ADK: variants seen among roughly 807,000 people sequenced by gnomAD.
The protein encoded by ADK is N6,N6-dimethyladenosine kinase.
A neutral mutation model predicts 44.7 loss-of-function variants in ADK; 24 were observed. The ratio of observed to expected loss-of-function variants is 0.54; its 90% CI spans 0.39 to 0.76. ADK has a LOEUF of 0.76. ADK is among the 30% of genes least tolerant of loss of function. The pLI is 0.00. For missense variants in ADK, 321 were observed against 425.1 expected (o/e 0.76, Z 2.15); for synonymous variants, 128 against 142.6 (o/e 0.90, Z 0.73).
At chr10:74,572,642 A>G (rs764432541) in intron 7 of ADK, among the ~76,000 whole-genome samples, 14 of 152,180 alleles carry the variant, frequency 9.2e-5, no homozygotes, top group Non-Finnish European at 2.1e-4. Flanking sequence ...AGGTACACAA[A>G]TCAGACGTAG....
intron 6 of ADK, among the ~76,000 whole-genome samples, chr10:74,505,004 A>G (rs769269260): frequency 2.0e-5 from 3 of 152,054 alleles, no homozygotes; most frequent in Non-Finnish European, 4.4e-5. Flanking sequence ...CATCATAAAC[A>G]TCTTCATCCT....
At position 74,526,574 on chromosome 10, in the gene ADK, C is replaced by T. The variant is rs118002098; in HGVS notation, c.726+1148C>T. Among the ~76,000 whole-genome samples, 200 of 152,178 alleles carry T rather than the reference C, an allele frequency of 1.3e-3. 1 individual carries two copies. In the East Asian group the frequency reaches 0.021, roughly 16 times the overall value. On this transcript the variant is annotated intron_variant, in intron 7 of 10. Transcript: ENST00000539909. The stretch of plus-strand genomic sequence containing the variant: ...TCATCAATTTTATATCTAATAACTG[C>T]CATCTGCCTAGAATAACATAAAAAT...
intron 6 of ADK, among the ~76,000 whole-genome samples, chr10:74,479,594 A>G (rs373636776): frequency 2.0e-5 from 3 of 151,762 alleles, no homozygotes; most frequent in Admixed American, 1.3e-4. Context: ...TACTAAATAT[A>G]TATGTATACT....
intron 7 of ADK, among the ~76,000 whole-genome samples, chr10:74,565,534 C>A (rs1463502441): frequency 6.6e-6 from 1 of 151,628 alleles, no homozygotes; most frequent in Non-Finnish European, 1.5e-5. Flanking sequence ...TCGACACCAT[C>A]CTGACCAACA....
At chr10:74,393,486 T>G (rs1187773733) in intron 4 of ADK, among the ~76,000 whole-genome samples, 1 of 152,188 alleles carries the variant, frequency 6.6e-6, no homozygotes, top group African/African-American at 2.4e-5. Flanking sequence ...AAAAGAATTT[T>G]TTTAGATATG....
intron 6 of ADK, among the ~76,000 whole-genome samples, chr10:74,450,026 C>T (rs1845717013): frequency 6.6e-6 from 1 of 152,038 alleles, no homozygotes; most frequent in East Asian, 1.9e-4. Flanking sequence ...AGACTCAGGG[C>T]CAGGCACATT....
chr10:74,271,416 CTTATTA>C (rs1014957680), intron 3 of ADK, among the ~76,000 whole-genome samples: 5 of 151,080 alleles, frequency 3.3e-5, no homozygotes, highest in Admixed American at 1.3e-4. Context: ...GTTGTTTTTT[CTTATTA>C]TTATTATACT....
rs1554835953 is a variant in ADK at position 74,267,790 on chromosome 10, G to GTC, written c.194+43200_194+43201insCT. Among the ~76,000 whole-genome samples, 465 of 145,700 alleles carry GTC rather than the reference G, an allele frequency of 3.2e-3. 2 individuals carry two copies. The highest frequency in any genetic ancestry group is 9.5e-3 in the African/African-American group (357 of 37,626). On this transcript the variant is annotated intron_variant, in intron 3 of 10. Transcript: ENST00000539909. ...TGTGTGTGTGTGTGTGTGTGTGTGT[G>GTC]TGTCTGTCTGTCTGTTTTAGTGGCT...
At chr10:74,243,421 T>A (rs1845300759) in intron 3 of ADK, among the ~76,000 whole-genome samples, 1 of 152,246 alleles carries the variant, frequency 6.6e-6, no homozygotes, top group Non-Finnish European at 1.5e-5. Context: ...AACATCATCT[T>A]ATTTCTTCTG....
intron 6 of ADK, among the ~76,000 whole-genome samples, chr10:74,464,724 TG>T (rs1846291297): frequency 1.3e-5 from 2 of 152,180 alleles, no homozygotes; most frequent in African/African-American, 4.8e-5. Context: ...GGCTGATGCC[TG>T]TAATCCCAAC....
chr10:74,241,028 T>C (rs1051860416), intron 3 of ADK, among the ~76,000 whole-genome samples: 4 of 152,206 alleles, frequency 2.6e-5, no homozygotes, highest in African/African-American at 9.6e-5. Flanking sequence ...ACAAAACTTA[T>C]CAGTAAGACT....
At chr10:74,604,693 C>A (rs778216995) in intron 9 of ADK, among the ~76,000 whole-genome samples, 8 of 152,144 alleles carry the variant, frequency 5.3e-5, no homozygotes, top group Non-Finnish European at 1.2e-4. Context: ...TAGCATGATG[C>A]CTCCAGCTTT....
intron 6 of ADK, among the ~76,000 whole-genome samples, chr10:74,422,470 TTAGTC>T (rs1405315130): frequency 2.0e-5 from 3 of 152,214 alleles, no homozygotes; most frequent in African/African-American, 7.2e-5. Flanking sequence ...AGTCTTGACT[TTAGTC>T]AATAATCCAC....
intron 6 of ADK, among the ~76,000 whole-genome samples, chr10:74,491,053 C>T (rs929524286): frequency 8.6e-5 from 13 of 151,848 alleles, no homozygotes; most frequent in Non-Finnish European, 1.8e-4. Context: ...AAATACTAGC[C>T]CTATAGAATT....
intron 6 of ADK, among the ~76,000 whole-genome samples, chr10:74,418,763 T>C (rs552302885): frequency 1.3e-5 from 2 of 152,292 alleles, no homozygotes; most frequent in East Asian, 3.9e-4. Flanking sequence ...GCTTGCCCTG[T>C]AATTTGATCC....
intron 3 of ADK, among the ~76,000 whole-genome samples, chr10:74,277,499 C>G (rs1157303678): frequency 6.6e-6 from 1 of 151,838 alleles, no homozygotes; most frequent in African/African-American, 2.4e-5. Context: ...CGGGTTCACG[C>G]CATTCTCCTG....
chr10:74,504,571 AAAG>A (rs1331226818), intron 6 of ADK, among the ~76,000 whole-genome samples: 1 of 152,172 alleles, frequency 6.6e-6, no homozygotes, highest in African/African-American at 2.4e-5. Context: ...AAGCTAGAGA[AAAG>A]AAAATCATAA....
chr10:74,623,096 C>G (rs1033296247), intron 9 of ADK, among the ~76,000 whole-genome samples: 2 of 152,180 alleles, frequency 1.3e-5, no homozygotes, highest in African/African-American at 4.8e-5. Context: ...AACTCATTGG[C>G]TTACATCTGT....
chr10:74,418,175 A>G (rs1434764726), intron 6 of ADK, among the ~76,000 whole-genome samples: 1 of 152,204 alleles, frequency 6.6e-6, no homozygotes, highest in Non-Finnish European at 1.5e-5. Context: ...TCCTAAATAA[A>G]CAGAAACTTG....
Sources: allele counts gnomAD v4.1 joint callset (sites outside exome capture counted in the v4.1 genomes callset), GRCh38; gene constraint gnomAD v4.1.1; transcripts MANE v1.5; gene names NCBI Gene and HGNC (gene_info 2026-07-23, HGNC 2026-07-21).